Variants in TRIM38 observed in about 807,000 individuals in gnomAD.
TRIM38 encodes E3 ubiquitin-protein ligase TRIM38.
TRIM38 carries 35 observed loss-of-function variants against 35.8 expected under a neutral mutation model. The observed-to-expected ratio is 0.98, with a 90% CI of 0.75 to 1.30. The LOEUF (loss-of-function observed/expected upper bound fraction) is 1.30. TRIM38 is among the 50% of genes most tolerant of loss of function. The probability of loss-of-function intolerance (pLI) is 0.00; values close to 1 mark genes in which losing one functional copy is unlikely to be tolerated. For missense variants in TRIM38, 545 were observed against 556.9 expected (o/e 0.98, Z 0.21); for synonymous variants, 198 against 204.7 (o/e 0.97, Z 0.28).
At position 25,990,317 on chromosome 6, in the gene TRIM38, T is replaced by C. The variant is rs2113637454; in HGVS notation, c.*6630T>C. The C allele has an allele frequency of 6.6e-6, 1 of 152,382 alleles. No homozygotes were observed. Among genetic ancestry groups the C allele is most frequent in the Non-Finnish European group, 1.5e-5 (1 of 68,058 alleles). 9.4% of individuals were successfully genotyped at this position (152,382 alleles called of 1,614,324 possible). ...TCATTTTAAATTTTAAGTTTGTCCA[T>C]ATGTATATTGACACAGGGTCTTGCT... is the stretch of plus-strand genomic sequence containing the variant. On this transcript the variant is annotated 3_prime_UTR_variant, in exon 8 of 8. Transcript: ENST00000357085.
chr6:25,967,189 T>G (rs1760084872), intron 3 of TRIM38, among the ~76,000 whole-genome samples: 1 of 152,210 alleles, frequency 6.6e-6, no homozygotes, highest in African/African-American at 2.4e-5. Flanking sequence ...TAGAACAGGT[T>G]GTTCTCAAAC....
chr6:25,982,125 T>C (rs1760561709), intron 7 of TRIM38, among the ~76,000 whole-genome samples: 1 of 152,154 alleles, frequency 6.6e-6, no homozygotes, highest in Non-Finnish European at 1.5e-5. Context: ...ACCACAAATC[T>C]AAGCCTAGGG....
chr6:25,989,165 T>G lies in TRIM38; in HGVS notation c.*5478T>G, dbSNP rs957750744. 4 of 152,268 alleles carry G rather than the reference T, an allele frequency of 2.6e-5. No homozygotes were observed. Among genetic ancestry groups the G allele is most frequent in the African/African-American group, 9.6e-5 (4 of 41,478 alleles). The allele number at this position is 152,268 out of a possible 1,614,324, so 9.4% of individuals were successfully genotyped here. ...CTAATGACATGATGTCAAGCATCTT[T>G]TCATATGCATACTTGCATCTGTGTA... On this transcript the variant is annotated 3_prime_UTR_variant, in exon 8 of 8. Transcript: ENST00000357085.
At chr6:25,968,326 C>A (rs1760124851) in intron 3 of TRIM38, among the ~76,000 whole-genome samples, 1 of 152,092 alleles carries the variant, frequency 6.6e-6, no homozygotes, top group South Asian at 2.1e-4. Flanking sequence ...AGAAAAGGAA[C>A]CAGCTTATGT....
rs901016908 is a variant in TRIM38 at position 25,986,877 on chromosome 6, A to G, written c.*3190A>G. On this transcript the variant is annotated 3_prime_UTR_variant, in exon 8 of 8. Transcript: ENST00000357085. Reference sequence around the variant, plus strand: ...CTCACAACCCAAGTTGTAGGATGGAAAAAAGGACACAAAAGTAGGGTGAAG... The same window carrying G: ...CTCACAACCCAAGTTGTAGGATGGAGAAAAGGACACAAAAGTAGGGTGAAG... 1 of 152,228 alleles carries G rather than the reference A, an allele frequency of 6.6e-6. No homozygotes were observed. Among genetic ancestry groups the G allele is most frequent in the African/African-American group, 2.4e-5 (1 of 41,452 alleles). The allele number at this position is 152,228 out of a possible 1,614,324, so 9.4% of individuals were successfully genotyped here. A position where few individuals can be genotyped will look rare whatever the true frequency, so the allele number is the denominator to read the frequency against.
At chr6:25,972,139 A>G in intron 5 of TRIM38, 40 bp downstream of exon 5, 2 of 1,551,666 alleles carry the variant, frequency 1.3e-6, no homozygotes, top group South Asian at 2.2e-5. Flanking sequence ...AAGGTATGTT[A>G]TAGTGCTATT....
chr6:25,973,196 C>T lies in TRIM38; in HGVS notation c.785C>T (p.Thr262Ile), dbSNP rs1189465331. The change falls in exon 7 of 8, where the codon ACA (threonine) becomes ATA (isoleucine). Residue 262 changes from threonine (T) to isoleucine (I), a missense_variant. By Grantham distance (89) the Thr-to-Ile change is moderately conservative. Transcript: ENST00000357085. ...LSRSWAVKLETSEAVSLELHT... is the reference protein window; with the variant it reads ...LSRSWAVKLEISEAVSLELHT... ...AGGAGTTGGGCTGTGAAGCTGGAAA[C>T]ATCAGAGGCTGTCTCCTTGGAACTT... 16 of 1,614,082 alleles carry T rather than the reference C, an allele frequency of 9.9e-6. No homozygotes were observed. Among genetic ancestry groups the T allele is most frequent in the South Asian group, 2.2e-5 (2 of 91,082 alleles).
Position 25,969,311 on chromosome 6 carries a change from A to T in TRIM38, c.412-14A>T. The T allele has an allele frequency of 6.2e-7, 1 of 1,610,034 alleles. No homozygotes were observed. Among genetic ancestry groups the T allele is most frequent in the Non-Finnish European group, 8.5e-7 (1 of 1,177,824 alleles). The stretch of plus-strand genomic sequence containing the variant: ...CAAATTGAATAGGCTTCACTTATCA[A>T]ATTTTTCCTTCAGGAAAAGCTCCAG... On this transcript the variant is annotated splice_polypyrimidine_tract_variant and intron_variant, in intron 3 of 7. Transcript: ENST00000357085.
In TRIM38 at chr6:25,989,806, A is replaced by T. The variant is rs1760798660; in HGVS notation, c.*6119A>T. 3 of 152,020 alleles carry T rather than the reference A, an allele frequency of 2.0e-5. No individual in the cohort carries two copies. The highest frequency in any genetic ancestry group is 4.8e-5 in the African/African-American group (2 of 41,418). The allele number at this position is 152,020 out of a possible 1,614,324, so 9.4% of individuals were successfully genotyped here. A position where few individuals can be genotyped will look rare whatever the true frequency, so the allele number is the denominator to read the frequency against. The stretch of plus-strand genomic sequence containing the variant: ...CTTATAAATATGGTTTTCTTTTTTT[A>T]AATAAAAATTTAAGACATTTTATAA... On this transcript the variant is annotated 3_prime_UTR_variant, in exon 8 of 8. Coordinates refer to ENST00000357085, the MANE Select transcript of TRIM38 (RefSeq NM_006355.5).
intron 4 of TRIM38, 83 bp from the exon 5 acceptor site, chr6:25,971,786 G>A (rs1760238179): frequency 1.6e-6 from 2 of 1,227,080 alleles, no homozygotes. Flanking sequence ...GCGTGTGTCA[G>A]ACTTTCATTC....
At chr6:25,968,048 G>T (rs1052112484) in intron 3 of TRIM38, among the ~76,000 whole-genome samples, 1 of 152,122 alleles carries the variant, frequency 6.6e-6, no homozygotes, top group Non-Finnish European at 1.5e-5. Flanking sequence ...TTTGCTGTTG[G>T]CAGCATGGAG....
At chr6:25,965,442 A>G in intron 2 of TRIM38, among the ~76,000 whole-genome samples, 1 of 152,096 alleles carries the variant, frequency 6.6e-6, no homozygotes, top group Non-Finnish European at 1.5e-5. Flanking sequence ...TCTAAATTCC[A>G]ATGCATTTCT....
At position 25,977,646 on chromosome 6, in the gene TRIM38, G is replaced by A. The variant is rs187076547; in HGVS notation, c.874+4361G>A. Among the ~76,000 whole-genome samples, 15 of 144,504 alleles carry A rather than the reference G, an allele frequency of 1.0e-4. No individual in the cohort carries two copies. In the East Asian group the frequency reaches 1.3e-3, roughly 12 times the overall value. The allele number at this position is 144,504 out of a possible 152,430, so 94.8% of individuals were successfully genotyped here. A position where few individuals can be genotyped will look rare whatever the true frequency, so the allele number is the denominator to read the frequency against. ...TGTGCCACTGCACTCCAGCTTGAGCGACAGAGTAAGACTCCATCTCAAAAA... is the reference window on the plus strand; with the variant it reads ...TGTGCCACTGCACTCCAGCTTGAGCAACAGAGTAAGACTCCATCTCAAAAA... On this transcript the variant is annotated intron_variant, in intron 7 of 7. Transcript: ENST00000357085.
At chr6:25,976,533 A>G (rs1026556950) in intron 7 of TRIM38, among the ~76,000 whole-genome samples, 5 of 152,180 alleles carry the variant, frequency 3.3e-5, no homozygotes, top group Non-Finnish European at 5.9e-5. Flanking sequence ...GGCCTTCTAA[A>G]GTGTTGGGAT....
chr6:25,972,584 G>C (rs751948008), intron 5 of TRIM38, among the ~76,000 whole-genome samples: 2 of 152,198 alleles, frequency 1.3e-5, no homozygotes, highest in African/African-American at 2.4e-5. Flanking sequence ...TGAGTGTATA[G>C]CATGATTGCT....
rs1470016325 is a variant in TRIM38 at position 25,987,393 on chromosome 6, C to T, written c.*3706C>T. Reference sequence around the variant, plus strand: ...TTCCTAGCTTGCAGATGGCTACCTTCCTGCTATGTCTTCACATGGCAAAGA... The same window carrying T: ...TTCCTAGCTTGCAGATGGCTACCTTTCTGCTATGTCTTCACATGGCAAAGA... On this transcript the variant is annotated 3_prime_UTR_variant, in exon 8 of 8. Coordinates refer to ENST00000357085, the MANE Select transcript of TRIM38 (RefSeq NM_006355.5). The T allele has an allele frequency of 6.6e-6, 1 of 152,144 alleles. No homozygotes were observed. Among genetic ancestry groups the T allele is most frequent in the Non-Finnish European group, 1.5e-5 (1 of 68,034 alleles). The allele number at this position is 152,144 out of a possible 1,614,324, so 9.4% of individuals were successfully genotyped here.
chr6:25,969,378 G>A lies in TRIM38; in HGVS notation c.465G>A (p.Thr155=), dbSNP rs141425045. The A allele has an allele frequency of 1.5e-4, 245 of 1,612,778 alleles. No homozygotes were observed. The highest frequency in any genetic ancestry group is 6.3e-4 in the African/African-American group (47 of 75,034). ...TGAAGCAACTTGAAGACAGATGTAC[G>A]GAGCAGAAGCTGTCCACAGCAATGC... ...TKLKQLEDRC[T]EQKLSTAMRI... is the part of the protein sequence containing the mutation. The change falls in exon 4 of 8, where the codon ACG becomes ACA. Residue 155 remains threonine, a synonymous_variant. Transcript: ENST00000357085.
chr6:25,965,307 C>G (rs1279782871), intron 2 of TRIM38, among the ~76,000 whole-genome samples: 1 of 152,114 alleles, frequency 6.6e-6, no homozygotes, highest in African/African-American at 2.4e-5. Context: ...ATTAAGCAAT[C>G]AAAATGTGGC....
intron 4 of TRIM38, 76 bp from the exon 5 acceptor site, chr6:25,971,793 A>T (rs1464957544): frequency 1.5e-6 from 2 of 1,295,638 alleles, no homozygotes; most frequent in Non-Finnish European, 2.2e-6. Context: ...TCAGACTTTC[A>T]TTCTTGTTTA....
Sources: allele counts gnomAD v4.1 joint callset (sites outside exome capture counted in the v4.1 genomes callset), GRCh38; gene constraint gnomAD v4.1.1; transcripts MANE v1.5; gene names NCBI Gene and HGNC (gene_info 2026-07-23, HGNC 2026-07-21).